WNT3: variants seen among roughly 807,000 people sequenced by gnomAD.
WNT3 encodes the protein proto-oncogene Wnt-3.
In WNT3, 7 loss-of-function variants were observed where a neutral mutation model predicts 34.2. The observed-to-expected ratio is 0.20, with a 90% CI of 0.12 to 0.38. The LOEUF (loss-of-function observed/expected upper bound fraction) is 0.38. WNT3 is among the 10% of genes least tolerant of loss of function. The probability of loss-of-function intolerance (pLI) is 1.00; values close to 1 mark genes in which losing one functional copy is unlikely to be tolerated. For synonymous variants in WNT3, 212 were observed against 211.5 expected, an observed-to-expected ratio of 1.00 and a Z score of -0.02; for missense variants, 267 against 499.8, an observed-to-expected ratio of 0.53 and a Z score of 4.44.
intron 1 of WNT3, among the ~76,000 whole-genome samples, chr17:46,778,601 C>A (rs566301896): frequency 1.3e-4 from 20 of 152,274 alleles, no homozygotes; most frequent in African/African-American, 4.8e-4. Flanking sequence ...ACTCGCCACT[C>A]CTATTCCCCA....
intron 1 of WNT3, among the ~76,000 whole-genome samples, chr17:46,805,965 C>T (rs1445952397): frequency 6.6e-6 from 1 of 152,166 alleles, no homozygotes; most frequent in Non-Finnish European, 1.5e-5. Context: ...GGAATGGTGC[C>T]TCAGGGCCTC....
chr17:46,782,748 T>C (rs2059472577), intron 1 of WNT3, among the ~76,000 whole-genome samples: 1 of 152,228 alleles, frequency 6.6e-6, no homozygotes, highest in Non-Finnish European at 1.5e-5. Context: ...GCCACAGGCC[T>C]GGACTGGAGC....
rs2084385959 is a variant in WNT3 at position 46,818,655 on chromosome 17, C to A, written c.-58G>T. 1.4e-6 allele frequency: 2 copies of A among 1,474,246 alleles called. No individual in the cohort carries two copies. Among genetic ancestry groups the A allele is most frequent in the Admixed American group, 1.9e-5 (1 of 51,356 alleles). The allele number at this position is 1,474,246 out of a possible 1,614,324, so 91.3% of individuals were successfully genotyped here. A position where few individuals can be genotyped will look rare whatever the true frequency, so the allele number is the denominator to read the frequency against. On this transcript the variant is annotated 5_prime_UTR_variant, in exon 1 of 5. Coordinates refer to ENST00000225512, the MANE Select transcript of WNT3 (RefSeq NM_030753.5). ...GACCATGAAGAGGGGGAGCGACGCC[C>A]CCAATAGTTGGAACAAAGTCCACTT...
In WNT3 at chr17:46,762,912, A is replaced by T. The variant is rs1223187375; in HGVS notation, c.*1718T>A. On this transcript the variant is annotated 3_prime_UTR_variant, in exon 5 of 5. Coordinates refer to ENST00000225512, the MANE Select transcript of WNT3 (RefSeq NM_030753.5). ...AAGATTGTTTTGAAAATTCGTATCC[A>T]TTCTGCTGAAGTATTCTCACATAAA... 1.3e-5 allele frequency: 2 copies of T among 152,248 alleles called. No homozygotes were observed. The highest frequency in any genetic ancestry group is 3.8e-4 in the East Asian group (2 of 5,202). The allele number at this position is 152,248 out of a possible 1,614,324, so 9.4% of individuals were successfully genotyped here.
intron 1 of WNT3, among the ~76,000 whole-genome samples, chr17:46,813,459 C>T (rs1278671226): frequency 7.2e-6 from 1 of 139,690 alleles, no homozygotes; most frequent in Non-Finnish European, 1.5e-5. Context: ...CAGGATGGCT[C>T]TAACCTTTGG....
At chr17:46,773,634 A>ACC in intron 2 of WNT3, 34 bp downstream of exon 2, 1 of 160,904 alleles carries the variant, frequency 6.2e-6, no homozygotes, top group South Asian at 6.1e-5. Flanking sequence ...CCCCCCACCC[A>ACC]GCCCCTCCCC....
chr17:46,791,450 G>T (rs896862589), intron 1 of WNT3, among the ~76,000 whole-genome samples: 1 of 151,868 alleles, frequency 6.6e-6, no homozygotes, highest in African/African-American at 2.4e-5. Context: ...CAAGTGATCC[G>T]CCCGCCTCAG....
intron 1 of WNT3, 27 bp downstream of exon 1, chr17:46,818,491 C>G (rs1370074634): frequency 5.7e-6 from 9 of 1,587,020 alleles, no homozygotes; most frequent in Non-Finnish European, 6.8e-6. Context: ...GAAACCGGGC[C>G]GCGGGCAGAC....
chr17:46,810,901 AGCC>A (rs1353989398), intron 1 of WNT3, among the ~76,000 whole-genome samples: 8 of 152,054 alleles, frequency 5.3e-5, no homozygotes, highest in African/African-American at 1.9e-4. Flanking sequence ...CCTGCCCGGA[AGCC>A]GCCCACCTCC....
At chr17:46,786,937 TTTTC>T (rs2059510931) in intron 1 of WNT3, among the ~76,000 whole-genome samples, 2 of 150,032 alleles carry the variant, frequency 1.3e-5, no homozygotes, top group African/African-American at 5.0e-5. Context: ...TTCTTTTCTT[TTTTC>T]TTTTTTTTTT....
intron 2 of WNT3, among the ~76,000 whole-genome samples, chr17:46,773,305 T>G (rs1477692524): frequency 1.3e-5 from 2 of 152,068 alleles, no homozygotes; most frequent in South Asian, 2.1e-4. Context: ...GGGAGGGACC[T>G]AGGGGTGGCA....
chr17:46,795,680 C>T (rs2084043645), intron 1 of WNT3, among the ~76,000 whole-genome samples: 1 of 152,218 alleles, frequency 6.6e-6, no homozygotes, highest in Non-Finnish European at 1.5e-5. Flanking sequence ...CCGGAGCACC[C>T]TGCTGTTCTG....
intron 1 of WNT3, among the ~76,000 whole-genome samples, chr17:46,803,304 C>G (rs1262263382): frequency 6.6e-6 from 1 of 152,244 alleles, no homozygotes; most frequent in African/African-American, 2.4e-5. Flanking sequence ...GAGGCCCAGA[C>G]AGGCAGATCA....
intron 1 of WNT3, among the ~76,000 whole-genome samples, chr17:46,786,431 T>C (rs2059507182): frequency 6.6e-6 from 1 of 152,206 alleles, no homozygotes; most frequent in Non-Finnish European, 1.5e-5. Flanking sequence ...GGGAAGGGCC[T>C]AGGCCCAGAG....
At chr17:46,817,197 G>GC (rs1274604624) in intron 1 of WNT3, among the ~76,000 whole-genome samples, 1 of 152,178 alleles carries the variant, frequency 6.6e-6, no homozygotes, top group East Asian at 1.9e-4. Context: ...TCGGGGTGTG[G>GC]CCCCCAAGTC....
At chr17:46,788,146 A>G (rs1009478207) in intron 1 of WNT3, among the ~76,000 whole-genome samples, 3 of 152,130 alleles carry the variant, frequency 2.0e-5, no homozygotes, top group Non-Finnish European at 4.4e-5. Context: ...CTGGGCCTTG[A>G]AGTTGAGCTC....
chr17:46,794,044 A>C (rs2084020778), intron 1 of WNT3, among the ~76,000 whole-genome samples: 1 of 152,220 alleles, frequency 6.6e-6, no homozygotes, highest in Non-Finnish European at 1.5e-5. Context: ...TCACACGGTG[A>C]AATCTAACAG....
rs2059280038 is a variant in WNT3 at position 46,762,769 on chromosome 17, C to CG, written c.*1860dup. On this transcript the variant is annotated 3_prime_UTR_variant, in exon 5 of 5. Transcript: ENST00000225512. ...TCGGTTGGATACTATTACCTGACTA[C>CG]GGCGAGAATCATTACAATGCACTCA... 6.6e-6 allele frequency: 1 copy of CG among 152,016 alleles called. No individual in the cohort carries two copies. Among genetic ancestry groups the CG allele is most frequent in the South Asian group, 2.1e-4 (1 of 4,818 alleles). 9.4% of individuals were successfully genotyped at this position (152,016 alleles called of 1,614,324 possible).
chr17:46,771,828 G>A (rs2059375039), intron 2 of WNT3, among the ~76,000 whole-genome samples: 1 of 144,450 alleles, frequency 6.9e-6, no homozygotes, highest in Non-Finnish European at 1.5e-5. Flanking sequence ...CGGCCGCGCG[G>A]TGGGGGGGCG....
Sources: allele counts gnomAD v4.1 joint callset (sites outside exome capture counted in the v4.1 genomes callset), GRCh38; gene constraint gnomAD v4.1.1; transcripts MANE v1.5; gene names NCBI Gene and HGNC (gene_info 2026-07-23, HGNC 2026-07-21).